COA1: variants seen among roughly 807,000 people sequenced by gnomAD.
The protein encoded by COA1 is cytochrome c oxidase assembly factor 1 homolog.
Under a neutral mutation model 16.0 loss-of-function variants are expected in COA1, and 13 were observed. That is an observed-to-expected ratio of 0.81 (90% confidence interval 0.53 to 1.29). The LOEUF (loss-of-function observed/expected upper bound fraction) is 1.29, where lower values mean the gene tolerates loss of function less well. Among genes scored for constraint, COA1 ranks in the 50% most tolerant of loss-of-function variants. The pLI is 0.00. For missense variants in COA1, 179 were observed against 177.0 expected (o/e 1.01, Z -0.06); for synonymous variants, 65 against 65.7 (o/e 0.99, Z 0.05).
intron 1 of COA1, among the ~76,000 whole-genome samples, chr7:43,691,317 GAAA>G (rs2094305580): frequency 9.8e-6 from 1 of 101,990 alleles, no homozygotes; most frequent in Admixed American, 1.1e-4. Flanking sequence ...AAGAAAGAAA[GAAA>G]GAAAGAAAGA....
intron 6 of COA1, among the ~76,000 whole-genome samples, chr7:43,634,239 TGG>T (rs1194039211): frequency 6.6e-6 from 1 of 152,218 alleles, no homozygotes; most frequent in Non-Finnish European, 1.5e-5. Flanking sequence ...GCCTGGTTCT[TGG>T]CATAAGAGCA....
chr7:43,681,079 C>T (rs952521400), intron 1 of COA1, among the ~76,000 whole-genome samples: 2 of 152,152 alleles, frequency 1.3e-5, no homozygotes, highest in Non-Finnish European at 2.9e-5. Flanking sequence ...ATCAGTATGG[C>T]ACTTCTCTGT....
chr7:43,664,128 A>AGAGAGAGAGAGAGAGAGAGAGG lies in COA1; in HGVS notation c.-38-15477_-38-15476insCCTCTCTCTCTCTCTCTCTCTC, dbSNP rs963621045. Among the ~76,000 whole-genome samples, 18 of 148,046 alleles carry AGAGAGAGAGAGAGAGAGAGAGG rather than the reference A, an allele frequency of 1.2e-4. No homozygotes were observed. The South Asian group carries it at 3.2e-3, about 26-fold the overall frequency. On this transcript the variant is annotated intron_variant, in intron 1 of 5. Coordinates refer to ENST00000223336, the MANE Select transcript of COA1 (RefSeq NM_018224.4). ...AAGAGAGAGAGAGAGAGAGAGAGAGAGAGTCTTGCTATATTGCCCAGGCTG... is the reference window on the plus strand; with the variant it reads ...AAGAGAGAGAGAGAGAGAGAGAGAGAGAGAGAGAGAGAGAGAGAGAGGGAGTCTTGCTATATTGCCCAGGCTG...
chr7:43,691,425 G>GAAAGAAAGAAAT (rs2094350678), intron 1 of COA1, among the ~76,000 whole-genome samples: 1 of 32,402 alleles, frequency 3.1e-5, no homozygotes, highest in Non-Finnish European at 6.2e-5. Flanking sequence ...GAAAGAAAAA[G>GAAAGAAAGAAAT]AAAGAAAGAA....
chr7:43,620,393 G>A (rs1026141333), intron 6 of COA1, among the ~76,000 whole-genome samples: 2 of 152,306 alleles, frequency 1.3e-5, no homozygotes, highest in Admixed American at 6.5e-5. Context: ...TTAATATTTA[G>A]GCCAAGTGCA....
chr7:43,703,088 A>G (rs1013643213), intron 1 of COA1, among the ~76,000 whole-genome samples: 5 of 152,064 alleles, frequency 3.3e-5, no homozygotes, highest in Non-Finnish European at 7.4e-5. Context: ...CCTTAATTTC[A>G]TTCTTTACCC....
chr7:43,687,004 C>G (rs2094067655), intron 1 of COA1, among the ~76,000 whole-genome samples: 1 of 152,146 alleles, frequency 6.6e-6, no homozygotes, highest in Non-Finnish European at 1.5e-5. Flanking sequence ...AAATCCTATT[C>G]CCTCCTATAC....
chr7:43,636,339 A>G (rs1658380191), downstream of COA1, among the ~76,000 whole-genome samples: 1 of 135,664 alleles, frequency 7.4e-6, no homozygotes, highest in African/African-American at 2.9e-5. Flanking sequence ...CTCTTTCTGG[A>G]CCGCCCCCAT....
chr7:43,706,864 T>C (rs2095001286), intron 1 of COA1, among the ~76,000 whole-genome samples: 1 of 146,360 alleles, frequency 6.8e-6, no homozygotes, highest in Admixed American at 6.8e-5. Flanking sequence ...AGAAAGACCT[T>C]GTCTCAAAAA....
intron 6 of COA1, among the ~76,000 whole-genome samples, chr7:43,612,097 A>G (rs1014139422): frequency 2.6e-5 from 4 of 152,128 alleles, no homozygotes; most frequent in African/African-American, 9.7e-5. Context: ...TCTCTAATAC[A>G]CTTGGTTTAG....
downstream of COA1, among the ~76,000 whole-genome samples, chr7:43,634,935 C>CT (rs2085612393): frequency 6.6e-6 from 1 of 152,148 alleles, no homozygotes; most frequent in African/African-American, 2.4e-5. Flanking sequence ...TCCTTGGGTA[C>CT]TGAAGTTCCT....
intron 1 of COA1, among the ~76,000 whole-genome samples, chr7:43,724,213 A>G (rs957096213): frequency 6.6e-6 from 1 of 152,146 alleles, no homozygotes; most frequent in African/African-American, 2.4e-5. Context: ...CAACAGAATT[A>G]CCCTACAATC....
chr7:43,690,400 T>G (rs1420422384), intron 1 of COA1, among the ~76,000 whole-genome samples: 2 of 152,080 alleles, frequency 1.3e-5, no homozygotes, highest in African/African-American at 2.4e-5. Context: ...GGTATATACA[T>G]ATATATGTAT....
intron 6 of COA1, among the ~76,000 whole-genome samples, chr7:43,612,754 C>T (rs1041101504): frequency 2.0e-5 from 3 of 151,574 alleles, no homozygotes; most frequent in African/African-American, 7.3e-5. Flanking sequence ...TGCCAAAAGA[C>T]TGATTCACTG....
chr7:43,713,149 G>A (rs2095302308), intron 1 of COA1, among the ~76,000 whole-genome samples: 3 of 152,050 alleles, frequency 2.0e-5, no homozygotes, highest in South Asian at 4.1e-4. Flanking sequence ...ATGGGGTTTT[G>A]CCATGTTGCC....
At chr7:43,687,906 T>C (rs929918873) in intron 1 of COA1, among the ~76,000 whole-genome samples, 1 of 152,094 alleles carries the variant, frequency 6.6e-6, no homozygotes, top group Non-Finnish European at 1.5e-5. Flanking sequence ...AGAATTGCCA[T>C]GTGTTGTGGG....
intron 1 of COA1, among the ~76,000 whole-genome samples, chr7:43,653,408 C>G (rs915681867): frequency 8.6e-5 from 13 of 151,820 alleles, no homozygotes; most frequent in South Asian, 6.2e-4. Context: ...GTAAGGGAGA[C>G]AAAAGGATAG....
intron 1 of COA1, among the ~76,000 whole-genome samples, chr7:43,713,436 CTAACTA>C (rs1315731371): frequency 1.3e-5 from 2 of 152,114 alleles, no homozygotes; most frequent in Admixed American, 1.3e-4. Context: ...CTTATTCCTC[CTAACTA>C]TAACTTTGTA....
intron 6 of COA1, chr7:43,624,372 A>G: frequency 3.9e-6 from 3 of 776,226 alleles, no homozygotes; most frequent in Non-Finnish European, 5.8e-6. Context: ...AAATTCCAAG[A>G]CTAATAGTTT....
Sources: allele counts gnomAD v4.1 joint callset (sites outside exome capture counted in the v4.1 genomes callset), GRCh38; gene constraint gnomAD v4.1.1; transcripts MANE v1.5; gene names NCBI Gene and HGNC (gene_info 2026-07-23, HGNC 2026-07-21).